The following CELSR1 variants were observed in gnomAD, a reference collection of about 807,000 sequenced individuals.
CELSR1 encodes adhesion G protein-coupled receptor C1.
Under a neutral mutation model 249.1 loss-of-function variants are expected in CELSR1, and 110 were observed. The ratio of observed to expected loss-of-function variants is 0.44; its 90% CI spans 0.38 to 0.52. CELSR1 has a LOEUF of 0.52. Among genes scored for constraint, CELSR1 ranks in the 20% least tolerant of loss-of-function variants. CELSR1 has a pLI of 0.00. For synonymous variants in CELSR1, 2,113 were observed against 1,900.0 expected, an observed-to-expected ratio of 1.11 and a Z score of -2.92; for missense variants, 4,109 against 4,296.4, an observed-to-expected ratio of 0.96 and a Z score of 1.22.
intron 2 of CELSR1, among the ~76,000 whole-genome samples, chr22:46,461,844 C>T (rs139554824): frequency 7.2e-5 from 11 of 152,370 alleles, no homozygotes; most frequent in South Asian, 2.1e-4. Context: ...GGCCACATGG[C>T]AGGCACTGGC....
At chr22:46,476,173 C>T (rs1314744022) in intron 1 of CELSR1, among the ~76,000 whole-genome samples, 1 of 152,194 alleles carries the variant, frequency 6.6e-6, no homozygotes, top group Non-Finnish European at 1.5e-5. Flanking sequence ...TACATCCACA[C>T]AACTTGTCCA....
rs1602031421 is a variant in CELSR1, at chr22:46,371,205, G to A, written c.7760-1401C>T. 2.0e-5 allele frequency among the ~76,000 whole-genome samples: 3 copies of A among 152,170 alleles called. No homozygotes were observed. In the South Asian group the frequency reaches 6.2e-4, roughly 31 times the overall value. ...GGGTCCCTTAGAGTAAGGGAGATGA[G>A]TCACATCAGAACACCCTAGCCAGGA... On this transcript the variant is annotated intron_variant, in intron 25 of 34. Transcript: ENST00000674500.
rs745599523 is a variant in CELSR1, at chr22:46,386,503, G to A, written c.6638C>T (p.Thr2213Met). The change falls in exon 19 of 35, where the codon ACG (threonine) becomes ATG (methionine). Residue 2213 changes from threonine (T) to methionine (M), a missense_variant. By Grantham distance (81) the Thr-to-Met change is moderately conservative. Transcript: ENST00000674500. Reference sequence around the variant, plus strand: ...CTCGAGGCGCCGGAGCAGCTGTGCCGTGCCGCCCTCGCTCCGCTGGATCTG... The same window carrying A: ...CTCGAGGCGCCGGAGCAGCTGTGCCATGCCGCCCTCGCTCCGCTGGATCTG... ...WEQIQRSEGG[T>M]AQLLRRLEGY... 8.1e-6 allele frequency: 13 copies of A among 1,598,598 alleles called. No individual in the cohort carries two copies. The highest frequency in any genetic ancestry group is 1.3e-5 in the African/African-American group (1 of 74,698).
chr22:46,418,885 G>A (rs1325157605), intron 5 of CELSR1, among the ~76,000 whole-genome samples: 1 of 152,232 alleles, frequency 6.6e-6, no homozygotes, highest in Non-Finnish European at 1.5e-5. Context: ...GAGGAGCTCT[G>A]TGCTTTCCTG....
rs1057078097 is a variant in CELSR1, at chr22:46,413,123, C to T, written c.4612-1364G>A. 5.3e-5 allele frequency among the ~76,000 whole-genome samples: 8 copies of T among 152,174 alleles called. No individual in the cohort carries two copies. The highest frequency in any genetic ancestry group is 2.6e-4 in the Admixed American group (4 of 15,282). On this transcript the variant is annotated intron_variant, in intron 5 of 34. Transcript: ENST00000674500. The surrounding 1 kb of genome is among the most constrained non-coding windows in gnomAD (Gnocchi z 4.7). ...TTCTTTATAAAACGTGGAAATAGAT[C>T]GTTGTAAAAACGTAGAATTTAATTA...
chr22:46,483,382 TGA>T lies in CELSR1; in HGVS notation c.3545-19039_3545-19038del, dbSNP rs1238427691. ...CCTCTTTATGGAAACATGCTATTCC[TGA>T]CTTTTTTTTTTTTTTTTTTTTTTTT... On this transcript the variant is annotated intron_variant, in intron 1 of 34. Coordinates refer to ENST00000674500, the MANE Select transcript of CELSR1 (RefSeq NM_001378328.1). Among the ~76,000 whole-genome samples, 22 of 136,842 alleles carry T rather than the reference TGA, an allele frequency of 1.6e-4. No homozygotes were observed. The East Asian group carries it at 4.7e-3, about 29-fold the overall frequency. 89.8% of individuals were successfully genotyped at this position (136,842 alleles called of 152,430 possible).
intron 2 of CELSR1, among the ~76,000 whole-genome samples, chr22:46,460,211 A>ACACACACACCCACACCCACACC (rs773925316): frequency 6.7e-6 from 1 of 148,870 alleles, no homozygotes; most frequent in South Asian, 2.1e-4. Flanking sequence ...ACACACACAC[A>ACACACACACCCACACCCACACC]CACACCCATT....
chr22:46,465,135 G>T (rs1355365776), intron 1 of CELSR1, among the ~76,000 whole-genome samples: 1 of 152,104 alleles, frequency 6.6e-6, no homozygotes, highest in Admixed American at 6.5e-5. Context: ...GACGTTCAGG[G>T]GGTGGGTCAT....
rs748779903 is a variant in CELSR1 at position 46,464,163 on chromosome 22, A to G, written c.3727T>C (p.Phe1243Leu). 9 of 1,613,660 alleles carry G rather than the reference A, an allele frequency of 5.6e-6. No individual in the cohort carries two copies. Among genetic ancestry groups the G allele is most frequent in the South Asian group, 5.5e-5 (5 of 91,082 alleles). The change falls in exon 2 of 35, where the codon TTC becomes CTC. Residue 1243 changes from phenylalanine (F) to leucine (L), a missense_variant. Around this residue, in one of 7 missense-constraint regions of CELSR1, gnomAD observed 141 missense variants for 209.4 expected, o/e 0.67. Transcript: ENST00000674500. The surrounding 1 kb of genome is among the most constrained non-coding windows in gnomAD (Gnocchi z 8.5). ...AVLSTTKDDV[F>L]VFNVQNDTDV... is the part of the protein sequence containing the mutation. ...GTGTCGTTCTGGACGTTGAAGACGA[A>G]GACGTCGTCCTTGGTGGTGGACAGC...
At position 46,488,284 on chromosome 22, in the gene CELSR1, A is replaced by G. The variant is rs1368115999; in HGVS notation, c.3545-23939T>C. 6.6e-6 allele frequency among the ~76,000 whole-genome samples: 1 copy of G among 152,012 alleles called. No individual in the cohort carries two copies. Among genetic ancestry groups the G allele is most frequent in the African/African-American group, 2.4e-5 (1 of 41,358 alleles). On this transcript the variant is annotated intron_variant, in intron 1 of 34. Coordinates refer to ENST00000674500, the MANE Select transcript of CELSR1 (RefSeq NM_001378328.1). The surrounding 1 kb of genome is among the most constrained non-coding windows in gnomAD (Gnocchi z 4.7). ...CCAGATAGTCCCCAGAGCCAGTGCT[A>G]CATGGGAAGCCCTGCCCTCCTGGGG...
At position 46,535,383 on chromosome 22, in the gene CELSR1, C is replaced by G; in HGVS notation, c.1788G>C (p.Glu596Asp). ...CCAGGCGATAGTGCAGCCGGGCGTT[C>G]TCTCCAGAGTCCGCGTCCACCGCCT... ...HIQAVDADSG[E>D]NARLHYRLVD... Residue 596 changes from glutamate to aspartate, a missense_variant, in exon 1 of 35, where the codon GAG becomes GAC. Transcript: ENST00000674500. 1 of 1,611,516 alleles carries G rather than the reference C, an allele frequency of 6.2e-7. No homozygotes were observed. The highest frequency in any genetic ancestry group is 1.3e-5 in the African/African-American group (1 of 75,034).
chr22:46,490,966 G>A lies in CELSR1; in HGVS notation c.3545-26621C>T, dbSNP rs572150001. 3.3e-5 allele frequency among the ~76,000 whole-genome samples: 5 copies of A among 152,140 alleles called. No homozygotes were observed. Among genetic ancestry groups the A allele is most frequent in the South Asian group, 4.1e-4 (2 of 4,826 alleles). The stretch of plus-strand genomic sequence containing the variant: ...CTGAGGGCTGCCTCTGCACCCACAG[G>A]CGGGGGATTTTGTTCCCCTACAAGT... On this transcript the variant is annotated intron_variant, in intron 1 of 34. Transcript: ENST00000674500. The surrounding 1 kb of genome is among the most constrained non-coding windows in gnomAD (Gnocchi z 5.2).
rs1389012363 is a variant in CELSR1 at position 46,411,867 on chromosome 22, C to T, written c.4612-108G>A. The T allele has an allele frequency of 7.0e-7, 1 of 1,430,816 alleles. No individual in the cohort carries two copies. The highest frequency in any genetic ancestry group is 1.2e-5 in the South Asian group (1 of 81,378). The allele number at this position is 1,430,816 out of a possible 1,614,324, so 88.6% of individuals were successfully genotyped here. A position where few individuals can be genotyped will look rare whatever the true frequency, so the allele number is the denominator to read the frequency against. On this transcript the variant is annotated intron_variant, in intron 5 of 34. Coordinates refer to ENST00000674500, the MANE Select transcript of CELSR1 (RefSeq NM_001378328.1). The surrounding 1 kb of genome is among the most constrained non-coding windows in gnomAD (Gnocchi z 4.2). ...GGAGGACATGGCACAGGGTGGGCGG[C>T]ACGTAGACAAGGGATGAGGAGCCCC... is the stretch of plus-strand genomic sequence containing the variant.
At chr22:46,476,320 G>A (rs2080207380) in intron 1 of CELSR1, among the ~76,000 whole-genome samples, 1 of 152,160 alleles carries the variant, frequency 6.6e-6, no homozygotes. Context: ...AGTAGGCTGG[G>A]CGCGGTGGCT....
intron 2 of CELSR1, among the ~76,000 whole-genome samples, chr22:46,459,693 C>A (rs747032411): frequency 3.3e-5 from 5 of 152,222 alleles, no homozygotes; most frequent in Admixed American, 2.0e-4. Flanking sequence ...CCCCCACCCC[C>A]AGCTGTGACA....
chr22:46,431,820 G>C (rs1254160795), intron 5 of CELSR1, among the ~76,000 whole-genome samples: 1 of 152,204 alleles, frequency 6.6e-6, no homozygotes, highest in East Asian at 1.9e-4. Context: ...CCGCGTCTGT[G>C]AGGGCTACCC....
At chr22:46,443,634 C>G (rs994445277) in intron 2 of CELSR1, among the ~76,000 whole-genome samples, 2 of 152,038 alleles carry the variant, frequency 1.3e-5, no homozygotes, top group South Asian at 2.1e-4. Flanking sequence ...CTCAATTTCC[C>G]GTCTACACAT....
intron 1 of CELSR1, among the ~76,000 whole-genome samples, chr22:46,502,516 G>T (rs1026520620): frequency 1.3e-5 from 2 of 151,614 alleles, no homozygotes; most frequent in Non-Finnish European, 2.9e-5. Flanking sequence ...AAGAGAGGGA[G>T]GGAAAGACGC....
intron 2 of CELSR1, among the ~76,000 whole-genome samples, chr22:46,460,240 C>T (rs1032585296): frequency 4.6e-5 from 7 of 151,632 alleles, no homozygotes; most frequent in African/African-American, 1.7e-4. Flanking sequence ...TCCCTGCCAT[C>T]CTGGGGGACA....
Sources: gnomAD v4.1 joint callset for allele counts (sites outside exome capture counted in the v4.1 genomes callset) on GRCh38, gnomAD v4.1.1 for gene constraint, gnomAD v4.1.1 regional missense constraint, Gnocchi (gnomAD v3.1) non-coding constraint, MANE v1.5 for transcripts, NCBI Gene and HGNC (gene_info 2026-07-23, HGNC 2026-07-21) for gene names.